EXOSC7: variants seen among roughly 807,000 people sequenced by gnomAD.
EXOSC7 encodes the protein exosome component 7, also known as exosome complex component RRP42.
Under a neutral mutation model 34.3 loss-of-function variants are expected in EXOSC7, and 25 were observed. The observed-to-expected ratio is 0.73, with a 90% CI of 0.53 to 1.02. EXOSC7 has a LOEUF of 1.02. Among genes scored for constraint, EXOSC7 ranks in the 50% least tolerant of loss-of-function variants. EXOSC7 has a pLI of 0.00. For synonymous variants in EXOSC7, 130 were observed against 143.0 expected (o/e 0.91, Z 0.65); for missense variants, 370 against 368.5 (o/e 1.00, Z -0.03).
At chr3:44,988,467 C>A (rs1706479205) in intron 1 of EXOSC7, among the ~76,000 whole-genome samples, 1 of 152,228 alleles carries the variant, frequency 6.6e-6, no homozygotes, top group African/African-American at 2.4e-5. Flanking sequence ...CTGTAAAGGA[C>A]TGGATAGTAA....
downstream of EXOSC7, chr3:45,011,533 G>T (rs1048179977): frequency 2.2e-6 from 1 of 451,438 alleles, no homozygotes; most frequent in Non-Finnish European, 3.9e-6. Flanking sequence ...ACCCATCTGG[G>T]TCTGGCCCTT....
chr3:44,999,320 G>A (rs1056162315), intron 4 of EXOSC7, among the ~76,000 whole-genome samples: 1 of 152,108 alleles, frequency 6.6e-6, no homozygotes, highest in Non-Finnish European at 1.5e-5. Context: ...AAGACTCCTG[G>A]CATTTGGATT....
At position 45,001,147 on chromosome 3, in the gene EXOSC7, A is replaced by G. The variant is rs1308346702; in HGVS notation, c.421-391A>G. ...CCTTGACCACAGAATAGATTTAGGG[A>G]AAGAAAAAAAAAAATCGGTGTCCTG... is the stretch of plus-strand genomic sequence containing the variant. On this transcript the variant is annotated intron_variant, in intron 4 of 7. Coordinates refer to ENST00000265564, the MANE Select transcript of EXOSC7 (RefSeq NM_015004.4). Among the ~76,000 whole-genome samples the G allele has an allele frequency of 3.9e-5, 6 of 151,996 alleles. No homozygotes were observed. In the East Asian group the frequency reaches 7.7e-4, roughly 20 times the overall value.
In EXOSC7 at chr3:45,007,366, T is replaced by C. The variant is rs908803386; in HGVS notation, c.616-54T>C. 3.7e-5 allele frequency: 60 copies of C among 1,600,548 alleles called. No homozygotes were observed. In the South Asian group the frequency reaches 6.5e-4, roughly 17 times the overall value. On this transcript the variant is annotated intron_variant, in intron 6 of 7. Transcript: ENST00000265564. ...ATTCCCACCACGAGGCCATCAGGGG[T>C]GGGACTCTGGGGCCTGCGTGACCCA...
intron 1 of EXOSC7, among the ~76,000 whole-genome samples, chr3:44,981,886 A>C (rs1363528763): frequency 1.3e-5 from 2 of 152,120 alleles, no homozygotes; most frequent in African/African-American, 4.8e-5. Flanking sequence ...TCTGTCTCTT[A>C]AAAGAAAGAA....
At chr3:44,994,263 G>A (rs73085669) in intron 3 of EXOSC7, among the ~76,000 whole-genome samples, 1 of 146,348 alleles carries the variant, frequency 6.8e-6, no homozygotes, top group Non-Finnish European at 1.5e-5. Flanking sequence ...AAAAAAAAAA[G>A]ATAAGGTCTC....
chr3:44,978,864 G>C (rs1263914230), intron 1 of EXOSC7, among the ~76,000 whole-genome samples: 1 of 152,214 alleles, frequency 6.6e-6, no homozygotes, highest in East Asian at 1.9e-4. Context: ...CTGTTGACTT[G>C]TCTGTATGGG....
At chr3:44,989,731 C>T (rs1326110478) in intron 3 of EXOSC7, 87 bp downstream of exon 3, 1 of 1,048,206 alleles carries the variant, frequency 9.5e-7, no homozygotes, top group Non-Finnish European at 1.4e-6. Flanking sequence ...TGCTGTTGAA[C>T]CCACTTTTAT....
chr3:45,006,404 G>GTTTTTTTTTTTT (rs545281987), intron 6 of EXOSC7, among the ~76,000 whole-genome samples: 8 of 61,708 alleles, frequency 1.3e-4, no homozygotes, highest in Admixed American at 2.5e-4. Context: ...TTGTTTATTT[G>GTTTTTTTTTTTT]TTTTTTTTTT....
At position 44,976,336 on chromosome 3, in the gene EXOSC7, T is replaced by C; in HGVS notation, c.57+2T>C. 3 of 1,570,436 alleles carry C rather than the reference T, an allele frequency of 1.9e-6. No homozygotes were observed. Among genetic ancestry groups the C allele is most frequent in the Non-Finnish European group, 2.6e-6 (3 of 1,163,938 alleles). Reference sequence around the variant, plus strand: ...GTGTACATCGTGCATGGCGTCCAGGTAGCTACAGCAGCGGCGTTGGGTCGG... The same window carrying C: ...GTGTACATCGTGCATGGCGTCCAGGCAGCTACAGCAGCGGCGTTGGGTCGG... On this transcript the variant is annotated splice_donor_variant, in intron 1 of 7. Coordinates refer to ENST00000265564, the MANE Select transcript of EXOSC7 (RefSeq NM_015004.4). LOFTEE classifies it high-confidence loss of function.
At chr3:44,993,474 C>T (rs1706626627) in intron 3 of EXOSC7, among the ~76,000 whole-genome samples, 2 of 151,970 alleles carry the variant, frequency 1.3e-5, no homozygotes, top group Admixed American at 6.6e-5. Context: ...AACAGTGGGC[C>T]CAGTGTCTAG....
Position 44,976,257 on chromosome 3 carries a change from C to G in EXOSC7, c.-21C>G. 3 of 1,541,512 alleles carry G rather than the reference C, an allele frequency of 1.9e-6. No individual in the cohort carries two copies. Among genetic ancestry groups the G allele is most frequent in the Non-Finnish European group, 2.6e-6 (3 of 1,151,174 alleles). On this transcript the variant is annotated 5_prime_UTR_variant, in exon 1 of 8. Transcript: ENST00000265564. ...GGGGACGCGCGCAGATGACGTGCGG[C>G]TCGTGGGGCAGCTCGGCAGCATGGC...
rs781277910 is a variant in EXOSC7, at chr3:44,976,382, C to T, written c.57+48C>T. 4.6e-6 allele frequency: 7 copies of T among 1,509,160 alleles called. No homozygotes were observed. The East Asian group carries it at 8.3e-5, about 18-fold the overall frequency. The allele number at this position is 1,509,160 out of a possible 1,614,324, so 93.5% of individuals were successfully genotyped here. On this transcript the variant is annotated intron_variant, in intron 1 of 7. Coordinates refer to ENST00000265564, the MANE Select transcript of EXOSC7 (RefSeq NM_015004.4). ...GTCGGCCGCCGGGTTCAGCCTGGCC[C>T]TGCGGGTCGCGGCCTGCCCTGGGTT...
At chr3:44,993,896 T>C (rs895228420) in intron 3 of EXOSC7, among the ~76,000 whole-genome samples, 6 of 152,240 alleles carry the variant, frequency 3.9e-5, no homozygotes, top group Non-Finnish European at 7.3e-5. Context: ...CCAACATTTG[T>C]TGTCTAGTGA....
At chr3:45,000,283 C>T (rs905687670) in intron 4 of EXOSC7, among the ~76,000 whole-genome samples, 1 of 152,230 alleles carries the variant, frequency 6.6e-6, no homozygotes, top group Non-Finnish European at 1.5e-5. Flanking sequence ...CCTTCTTCCT[C>T]ATAGCACCCC....
chr3:44,993,231 T>C (rs992055476), intron 3 of EXOSC7, among the ~76,000 whole-genome samples: 1 of 152,130 alleles, frequency 6.6e-6, no homozygotes, highest in Non-Finnish European at 1.5e-5. Context: ...ATATACTTAC[T>C]ATTGGTCTGG....
At chr3:44,989,294 AGGAATGAGCT>A in intron 2 of EXOSC7, 53 bp downstream of exon 2, 1 of 1,322,260 alleles carries the variant, frequency 7.6e-7, no homozygotes, top group African/African-American at 1.4e-5. Context: ...GTAGGCCCTA[AGGAATGAGCT>A]GCTGACGCTG....
downstream of EXOSC7, among the ~76,000 whole-genome samples, chr3:45,011,968 C>T (rs939106849): frequency 2.0e-5 from 3 of 152,202 alleles, no homozygotes; most frequent in African/African-American, 7.2e-5. Flanking sequence ...TAACCACTCC[C>T]TGGTGTTTCC....
chr3:44,980,789 A>G (rs1327136845), intron 1 of EXOSC7, among the ~76,000 whole-genome samples: 1 of 152,222 alleles, frequency 6.6e-6, no homozygotes, highest in East Asian at 1.9e-4. Context: ...ATACTGCTGT[A>G]TTGTTTTGGT....
Sources: gnomAD v4.1 joint callset for allele counts (sites outside exome capture counted in the v4.1 genomes callset) on GRCh38, gnomAD v4.1.1 for gene constraint, MANE v1.5 for transcripts, NCBI Gene and HGNC (gene_info 2026-07-23, HGNC 2026-07-21) for gene names.